Variants in ZMYM2 observed in about 807,000 individuals in gnomAD.
The protein encoded by ZMYM2 is zinc finger MYM-type containing 2.
Under a neutral mutation model 162.8 loss-of-function variants are expected in ZMYM2, and 56 were observed. The ratio of observed to expected loss-of-function variants is 0.34; its 90% CI spans 0.28 to 0.43. ZMYM2 has a LOEUF of 0.43. ZMYM2 is among the 20% of genes least tolerant of loss of function. The probability of loss-of-function intolerance (pLI) is 1.00; values close to 1 mark genes in which losing one functional copy is unlikely to be tolerated. For synonymous variants in ZMYM2, 510 were observed against 541.6 expected (o/e 0.94, Z 0.81); for missense variants, 1,275 against 1,621.8 (o/e 0.79, Z 3.67).
chr13:19,880,315 A>G, the ZMYM2 span, among the ~76,000 whole-genome samples: 147 of 152,260 alleles, frequency 9.7e-4, no homozygotes, highest in Middle Eastern at 6.8e-3. Flanking sequence ...ATGTCTTTCC[A>G]TTCGTGTTTT....
At chr13:19,903,523 A>G in the ZMYM2 span, among the ~76,000 whole-genome samples, 1 of 151,482 alleles carries the variant, frequency 6.6e-6, no homozygotes, top group Non-Finnish European at 1.5e-5. Flanking sequence ...AAGAACAATG[A>G]AAAACTTCCA....
intron 8 of ZMYM2, 37 bp from the exon 9 acceptor site, chr13:20,027,166 T>G: frequency 6.8e-7 from 1 of 1,464,474 alleles, no homozygotes; most frequent in Non-Finnish European, 9.1e-7. Flanking sequence ...TTTTATTACT[T>G]TATAAACAAA....
the ZMYM2 span, among the ~76,000 whole-genome samples, chr13:19,920,625 C>T: frequency 3.3e-5 from 5 of 150,490 alleles, no homozygotes; most frequent in Admixed American, 6.7e-5. Flanking sequence ...GAAGGAGAGT[C>T]GGGAGGGGAG....
intron 16 of ZMYM2, among the ~76,000 whole-genome samples, chr13:20,060,317 G>A (rs758827541): frequency 1.3e-5 from 2 of 152,218 alleles, no homozygotes; most frequent in African/African-American, 2.4e-5. Flanking sequence ...ATCCTCGAGA[G>A]TGACATTTCG....
intron 21 of ZMYM2, among the ~76,000 whole-genome samples, chr13:20,068,657 G>A (rs1409427563): frequency 6.6e-6 from 1 of 152,114 alleles, no homozygotes; most frequent in Non-Finnish European, 1.5e-5. Context: ...GAGACTAGGA[G>A]TAGCATTTAT....
chr13:19,925,703 T>C, the ZMYM2 span, among the ~76,000 whole-genome samples: 2 of 151,610 alleles, frequency 1.3e-5, no homozygotes, highest in African/African-American at 2.4e-5. Flanking sequence ...TGAAACCCCA[T>C]CTACACTAAA....
In ZMYM2 at chr13:20,088,412, T is replaced by G. The variant is rs1276801894; in HGVS notation, c.*2398T>G. ...AGATAGCATCCTGTAAATATAACTT[T>G]ATTGTCTTGAAATGTTTATTGAAGA... is the stretch of plus-strand genomic sequence containing the variant. On this transcript the variant is annotated 3_prime_UTR_variant, in exon 25 of 25. Transcript: ENST00000610343. The G allele has an allele frequency of 5.0e-6, 1 of 201,132 alleles. No individual in the cohort carries two copies. The highest frequency in any genetic ancestry group is 1.0e-5 in the Non-Finnish European group (1 of 97,554). The allele number at this position is 201,132 out of a possible 1,614,324, so 12.5% of individuals were successfully genotyped here. A position where few individuals can be genotyped will look rare whatever the true frequency, so the allele number is the denominator to read the frequency against.
At chr13:20,070,344 TTC>T in intron 21 of ZMYM2, 1 of 216,006 alleles carries the variant, frequency 4.6e-6, no homozygotes, top group Non-Finnish European at 1.0e-5. Flanking sequence ...ACATTTTTTT[TTC>T]TTTGGTTCCT....
chr13:20,026,491 A>C, intron 7 of ZMYM2, 121 bp from the exon 8 acceptor site: 1 of 971,142 alleles, frequency 1.0e-6, no homozygotes, highest in East Asian at 2.7e-5. Context: ...TCATGACTCT[A>C]AACCTGTTTA....
At chr13:19,940,177 A>G in the ZMYM2 span, among the ~76,000 whole-genome samples, 10 of 152,226 alleles carry the variant, frequency 6.6e-5, no homozygotes, top group Admixed American at 1.3e-4. Context: ...ACCTAATTTT[A>G]AAAGAAAGAA....
chr13:19,982,242 T>TGC (rs1331974883), intron 2 of ZMYM2, among the ~76,000 whole-genome samples: 1 of 151,546 alleles, frequency 6.6e-6, no homozygotes, highest in African/African-American at 2.4e-5. Context: ...GGTTTCTAAT[T>TGC]GCTTTTCAGT....
At chr13:19,877,211 C>G in the ZMYM2 span, among the ~76,000 whole-genome samples, 1 of 126,548 alleles carries the variant, frequency 7.9e-6, no homozygotes, top group African/African-American at 3.1e-5. Context: ...GACTCCGTCT[C>G]AAAAAAAAAA....
At chr13:19,884,666 T>A in the ZMYM2 span, among the ~76,000 whole-genome samples, 1 of 152,112 alleles carries the variant, frequency 6.6e-6, no homozygotes, top group East Asian at 1.9e-4. Context: ...GTGCCATAGT[T>A]CTTAAAAGTA....
At chr13:19,902,842 C>A in the ZMYM2 span, among the ~76,000 whole-genome samples, 1 of 151,684 alleles carries the variant, frequency 6.6e-6, no homozygotes, top group Non-Finnish European at 1.5e-5. Flanking sequence ...AGGGAGACAT[C>A]GTCTCTACAG....
At chr13:20,076,359 A>G (rs1376042110) in intron 21 of ZMYM2, among the ~76,000 whole-genome samples, 1 of 150,568 alleles carries the variant, frequency 6.6e-6, no homozygotes, top group Non-Finnish European at 1.5e-5. Flanking sequence ...ATTATCCTAA[A>G]GAACTGATGC....
chr13:20,040,172 T>C (rs1954116927), intron 12 of ZMYM2, among the ~76,000 whole-genome samples: 1 of 152,194 alleles, frequency 6.6e-6, no homozygotes, highest in African/African-American at 2.4e-5. Flanking sequence ...ATACCAGCTC[T>C]TCTTTGTACA....
At chr13:19,946,965 C>G in the ZMYM2 span, among the ~76,000 whole-genome samples, 1 of 151,576 alleles carries the variant, frequency 6.6e-6, no homozygotes, top group Admixed American at 6.6e-5. Flanking sequence ...CTGCCTCTCT[C>G]AAGAATGTCA....
intron 3 of ZMYM2, among the ~76,000 whole-genome samples, chr13:19,996,538 C>T (rs1950030455): frequency 6.6e-6 from 1 of 152,062 alleles, no homozygotes; most frequent in Non-Finnish European, 1.5e-5. Context: ...ACCAGCCTGG[C>T]CAACATGGTG....
Position 20,078,443 on chromosome 13 carries a change from G to GAC in ZMYM2, c.3454-3572_3454-3571insCA, listed in dbSNP as rs1957671030. On this transcript the variant is annotated intron_variant, in intron 21 of 24. Coordinates refer to ENST00000610343, the MANE Select transcript of ZMYM2 (RefSeq NM_197968.4). The stretch of plus-strand genomic sequence containing the variant: ...TGTTTCTTGCTTTAGCTAGCTCTCC[G>GAC]AAACATTTGACCATATGTTTGTCAT... Among the ~76,000 whole-genome samples, 3 of 152,164 alleles carry GAC rather than the reference G, an allele frequency of 2.0e-5. No homozygotes were observed. The South Asian group carries it at 6.2e-4, about 32-fold the overall frequency.
Sources: gnomAD v4.1 joint callset for allele counts (sites outside exome capture counted in the v4.1 genomes callset) on GRCh38, gnomAD v4.1.1 for gene constraint, MANE v1.5 for transcripts, NCBI Gene and HGNC (gene_info 2026-07-23, HGNC 2026-07-21) for gene names.